Variants in DACH2 observed in about 807,000 individuals in gnomAD.
DACH2 encodes dachshund family transcription factor 2.
Under a neutral mutation model 35.8 loss-of-function variants are expected in DACH2, and 17 were observed. That is an observed-to-expected ratio of 0.48 (90% CI 0.33 to 0.71). The LOEUF is 0.71. DACH2 is among the 30% of genes least tolerant of loss of function. DACH2 has a pLI of 0.02. For missense variants in DACH2, 469 were observed against 472.7 expected (o/e 0.99, Z 0.07); for synonymous variants, 195 against 177.3 (o/e 1.10, Z -0.79).
intron 2 of DACH2, chrX:86,481,803 A>G (rs972383133): frequency 2.7e-5 from 3 of 112,101 alleles, no homozygotes; most frequent in Non-Finnish European, 5.6e-5. Flanking sequence ...GATGACAGAT[A>G]ATTATGGAGC....
At chrX:86,683,807 T>C (rs1047659090) in intron 4 of DACH2, among the ~76,000 whole-genome samples, 2 of 111,341 alleles carry the variant, frequency 1.8e-5, no homozygotes, top group South Asian at 7.5e-4. Flanking sequence ...ATTTAATCCT[T>C]AAAACAACCC....
intron 1 of DACH2, among the ~76,000 whole-genome samples, chrX:86,165,619 G>T (rs887423517): frequency 2.7e-5 from 3 of 110,771 alleles, no homozygotes; most frequent in African/African-American, 6.5e-5. Context: ...TTTGCCATTG[G>T]TATGTCTTCC....
chrX:86,481,013 G>A (rs755132190), intron 2 of DACH2: 6 of 111,934 alleles, frequency 5.4e-5, no homozygotes, highest in East Asian at 5.6e-4. Flanking sequence ...AAATTTTCAC[G>A]TTAGTTTTTA....
intron 3 of DACH2, among the ~76,000 whole-genome samples, chrX:86,561,959 T>A (rs1602648115): frequency 1.0e-5 from 1 of 99,830 alleles, no homozygotes; most frequent in Non-Finnish European, 2.0e-5. Flanking sequence ...AATCAATATA[T>A]GGAATCAATT....
chrX:86,795,946 T>C (rs2042232727), intron 7 of DACH2, among the ~76,000 whole-genome samples: 1 of 110,404 alleles, frequency 9.1e-6, no homozygotes, highest in Non-Finnish European at 1.9e-5. Context: ...ATAAAGGTAG[T>C]GCGGACCCAA....
intron 2 of DACH2, among the ~76,000 whole-genome samples, chrX:86,433,386 G>A (rs2037015699): frequency 9.0e-6 from 1 of 111,478 alleles, no homozygotes; most frequent in Admixed American, 9.6e-5. Context: ...AATTTAATGG[G>A]TGCTTCAGAT....
chrX:86,207,892 T>C (rs1315420984), intron 1 of DACH2, among the ~76,000 whole-genome samples: 5 of 111,782 alleles, frequency 4.5e-5, no homozygotes, highest in Non-Finnish European at 9.4e-5. Context: ...AAATTTGGAC[T>C]GAACCATTTT....
chrX:86,413,775 A>G (rs56764690), intron 2 of DACH2, among the ~76,000 whole-genome samples: 9,862 of 110,812 alleles, frequency 0.089, 1,112 homozygotes, highest in African/African-American at 0.31. Flanking sequence ...AAGTATGTCT[A>G]TGCCAATTAT....
intron 4 of DACH2, among the ~76,000 whole-genome samples, chrX:86,653,573 TC>T: frequency 9.0e-6 from 1 of 111,319 alleles, no homozygotes; most frequent in Non-Finnish European, 1.9e-5. Context: ...GTTTTTCCAT[TC>T]AGTAATGAAT....
chrX:86,197,256 AG>A (rs1381031822), intron 1 of DACH2, among the ~76,000 whole-genome samples: 1 of 111,965 alleles, frequency 8.9e-6, no homozygotes, highest in Admixed American at 9.5e-5. Context: ...AACCTCCTGA[AG>A]GAAGTACTAA....
intron 2 of DACH2, among the ~76,000 whole-genome samples, chrX:86,459,742 C>T (rs1490151463): frequency 9.0e-6 from 1 of 111,233 alleles, no homozygotes; most frequent in Non-Finnish European, 1.9e-5. Flanking sequence ...AATGTTAGTA[C>T]GTGTGCAGAC....
chrX:86,800,513 G>T (rs1042758294), intron 7 of DACH2, among the ~76,000 whole-genome samples: 26 of 111,457 alleles, frequency 2.3e-4, no homozygotes, highest in African/African-American at 6.8e-4. Context: ...TCCATAAGAT[G>T]GTATGAATTT....
chrX:86,728,453 A>G (rs2041495860), intron 6 of DACH2, among the ~76,000 whole-genome samples: 1 of 112,923 alleles, frequency 8.9e-6, no homozygotes, highest in South Asian at 3.6e-4. Flanking sequence ...GGAGAGAAAT[A>G]AAAGCAGACT....
At chrX:86,518,554 C>A (rs756768625) in intron 3 of DACH2, among the ~76,000 whole-genome samples, 2 of 111,853 alleles carry the variant, frequency 1.8e-5, no homozygotes, top group Non-Finnish European at 3.8e-5. Flanking sequence ...AATTTGCTTA[C>A]GTCTTCTCTG....
intron 3 of DACH2, among the ~76,000 whole-genome samples, chrX:86,624,841 G>T (rs1157495770): frequency 1.8e-5 from 2 of 111,326 alleles, no homozygotes; most frequent in Admixed American, 1.9e-4. Flanking sequence ...TCATCACCAA[G>T]ATGGTATAGT....
intron 2 of DACH2, among the ~76,000 whole-genome samples, chrX:86,495,288 G>T (rs1203190125): frequency 2.8e-5 from 3 of 108,919 alleles, no homozygotes; most frequent in African/African-American, 1.0e-4. Context: ...TTGAGCTCCT[G>T]AACTTCTGAT....
chrX:86,222,972 G>C (rs12851912), intron 1 of DACH2, among the ~76,000 whole-genome samples: 104 of 111,859 alleles, frequency 9.3e-4, no homozygotes, highest in Non-Finnish European at 1.8e-3. Context: ...ATGTGTGAAA[G>C]CAGAGAGAAA....
chrX:86,245,123 C>T (rs771194257), intron 1 of DACH2, among the ~76,000 whole-genome samples: 1 of 111,839 alleles, frequency 8.9e-6, no homozygotes, highest in Non-Finnish European at 1.9e-5. Flanking sequence ...GTTTTTATAG[C>T]TATTATAAAA....
At chrX:86,764,719 G>A (rs779047617) in intron 7 of DACH2, among the ~76,000 whole-genome samples, 1 of 111,366 alleles carries the variant, frequency 9.0e-6, no homozygotes, top group Non-Finnish European at 1.9e-5. Flanking sequence ...TTGATAGAAA[G>A]AGTTATTTTT....
Sources: allele counts gnomAD v4.1 joint callset (sites outside exome capture counted in the v4.1 genomes callset), GRCh38; gene constraint gnomAD v4.1.1; transcripts MANE v1.5; gene names NCBI Gene and HGNC (gene_info 2026-07-23, HGNC 2026-07-21).